The following GRID2 variants were observed in gnomAD, a reference collection of about 807,000 sequenced individuals.
GRID2 encodes the protein glutamate receptor ionotropic, delta-2.
In GRID2, 33 loss-of-function variants were observed where a neutral mutation model predicts 114.8. The ratio of observed to expected loss-of-function variants is 0.29; its 90% confidence interval spans 0.22 to 0.38. The LOEUF (loss-of-function observed/expected upper bound fraction) is 0.38, where lower values mean the gene tolerates loss of function less well. Ranked by LOEUF, GRID2 falls within the 10% of genes least tolerant of loss-of-function variation. The probability of loss-of-function intolerance (pLI) is 1.00; values close to 1 mark genes in which losing one functional copy is unlikely to be tolerated. For synonymous variants in GRID2, 505 were observed against 449.9 expected, an observed-to-expected ratio of 1.12 and a Z score of -1.55; for missense variants, 1,184 against 1,257.7, an observed-to-expected ratio of 0.94 and a Z score of 0.89.
chr4:93,180,022 A>G (rs1181373199), intron 4 of GRID2, among the ~76,000 whole-genome samples: 2 of 152,134 alleles, frequency 1.3e-5, no homozygotes, highest in Non-Finnish European at 2.9e-5. Context: ...TTCCATTAAA[A>G]TCTTTTTAAA....
At chr4:92,934,229 T>A (rs2149524815) in intron 2 of GRID2, among the ~76,000 whole-genome samples, 1 of 151,970 alleles carries the variant, frequency 6.6e-6, no homozygotes, top group Non-Finnish European at 1.5e-5. Flanking sequence ...TTTCTAGTTC[T>A]CCTTGAAGAG....
At chr4:92,360,799 A>G (rs928034878) in intron 1 of GRID2, among the ~76,000 whole-genome samples, 1 of 151,966 alleles carries the variant, frequency 6.6e-6, no homozygotes, top group Non-Finnish European at 1.5e-5. Flanking sequence ...CTCTTAAAAA[A>G]TCACATTGGC....
At chr4:92,535,521 G>C (rs576714499) in intron 1 of GRID2, among the ~76,000 whole-genome samples, 1 of 152,162 alleles carries the variant, frequency 6.6e-6, no homozygotes, top group Admixed American at 6.5e-5. Flanking sequence ...AATGTACTAA[G>C]GTAGCACTCA....
At chr4:93,289,396 A>G (rs1753504388) in intron 8 of GRID2, among the ~76,000 whole-genome samples, 1 of 152,156 alleles carries the variant, frequency 6.6e-6, no homozygotes, top group Admixed American at 6.5e-5. Flanking sequence ...AAAGCTGTTT[A>G]TTGGAATGCA....
chr4:93,283,950 T>A (rs963123713), intron 8 of GRID2, among the ~76,000 whole-genome samples: 2 of 152,070 alleles, frequency 1.3e-5, no homozygotes, highest in African/African-American at 4.8e-5. Context: ...CATAGAAGTA[T>A]ATTAATGGTT....
intron 3 of GRID2, among the ~76,000 whole-genome samples, chr4:93,098,088 A>G (rs1465908481): frequency 6.6e-6 from 1 of 151,958 alleles, no homozygotes; most frequent in African/African-American, 2.4e-5. Flanking sequence ...ATATTTACTG[A>G]TTACAAAATA....
At chr4:92,688,277 C>T (rs12649805) in intron 2 of GRID2, among the ~76,000 whole-genome samples, 24,700 of 151,104 alleles carry the variant, frequency 0.16, 2,195 homozygotes, top group East Asian at 0.34. Flanking sequence ...CTCGAACTCC[C>T]GACCTCAGGT....
chr4:93,229,036 C>T (rs1284373019), intron 7 of GRID2, among the ~76,000 whole-genome samples: 3 of 152,104 alleles, frequency 2.0e-5, no homozygotes, highest in Non-Finnish European at 4.4e-5. Flanking sequence ...CCCAGTGTCA[C>T]ATTTTAAAGA....
intron 1 of GRID2, among the ~76,000 whole-genome samples, chr4:92,328,475 C>G (rs762034093): frequency 3.9e-5 from 6 of 152,064 alleles, no homozygotes; most frequent in Non-Finnish European, 8.8e-5. Context: ...TGTGGTTATA[C>G]TCCTACCATA....
intron 1 of GRID2, among the ~76,000 whole-genome samples, chr4:92,332,866 T>C (rs1482186422): frequency 6.6e-6 from 1 of 152,208 alleles, no homozygotes; most frequent in Non-Finnish European, 1.5e-5. Context: ...CTGGGAAAAC[T>C]GGGGTGGGGT....
Position 92,304,743 on chromosome 4 carries a change from C to A in GRID2, c.87C>A (p.Ile29=), listed in dbSNP as rs77619135. The A allele has an allele frequency of 6.2e-7, 1 of 1,604,544 alleles. No homozygotes were observed. Among genetic ancestry groups the A allele is most frequent in the African/African-American group, 1.3e-5 (1 of 74,830 alleles). ...CGAATGCGGATTCGATCATTCACATCGGTAAGAAAGTGTTGGTGCAGCTCG... is the reference window on the plus strand; with the variant it reads ...CGAATGCGGATTCGATCATTCACATAGGTAAGAAAGTGTTGGTGCAGCTCG... The part of the protein sequence containing the change: ...DSANADSIIH[I]GAIFDESAKK... The change falls in exon 1 of 16, where the codon ATC becomes ATA. Residue 29 remains isoleucine, a splice_region_variant and synonymous_variant. Transcript: ENST00000282020.
chr4:92,775,052 A>G (rs1000082856), intron 2 of GRID2, among the ~76,000 whole-genome samples: 1 of 152,162 alleles, frequency 6.6e-6, no homozygotes, highest in African/African-American at 2.4e-5. Context: ...CTGTAAGACT[A>G]TAAAGGATTC....
chr4:92,829,913 C>A (rs1296185951), intron 2 of GRID2, among the ~76,000 whole-genome samples: 2 of 151,858 alleles, frequency 1.3e-5, no homozygotes, highest in Non-Finnish European at 2.9e-5. Context: ...AGGGGAACAT[C>A]ACACACGAGG....
chr4:93,123,859 C>T (rs1219159520), intron 4 of GRID2, among the ~76,000 whole-genome samples: 1 of 149,388 alleles, frequency 6.7e-6, no homozygotes, highest in Non-Finnish European at 1.5e-5. Flanking sequence ...TAAATGAATC[C>T]AAAAATAATT....
intron 2 of GRID2, among the ~76,000 whole-genome samples, chr4:92,940,267 G>C (rs1751004082): frequency 6.8e-6 from 1 of 146,824 alleles, no homozygotes; most frequent in Non-Finnish European, 1.5e-5. Flanking sequence ...AGTTTTTCTT[G>C]AAGAGGTCCT....
intron 1 of GRID2, among the ~76,000 whole-genome samples, chr4:92,473,800 A>C (rs1163301632): frequency 6.6e-6 from 1 of 151,902 alleles, no homozygotes; most frequent in East Asian, 1.9e-4. Flanking sequence ...TCTTTTTTTG[A>C]TGATGAAATT....
chr4:93,218,140 G>A (rs1377442589), intron 6 of GRID2, among the ~76,000 whole-genome samples: 1 of 151,904 alleles, frequency 6.6e-6, no homozygotes, highest in Non-Finnish European at 1.5e-5. Flanking sequence ...TGTAGTACGT[G>A]GACTGGCTCC....
At chr4:92,965,674 A>G (rs1195974991) in intron 2 of GRID2, among the ~76,000 whole-genome samples, 4 of 151,780 alleles carry the variant, frequency 2.6e-5, no homozygotes. Context: ...CAATGGAGTG[A>G]TGATTTCCAA....
intron 2 of GRID2, among the ~76,000 whole-genome samples, chr4:92,941,917 C>T (rs1012393396): frequency 2.0e-5 from 3 of 152,156 alleles, no homozygotes; most frequent in African/African-American, 7.2e-5. Flanking sequence ...AGTTTGATTG[C>T]ACTGTGGTCT....
Sources: allele counts gnomAD v4.1 joint callset (sites outside exome capture counted in the v4.1 genomes callset), GRCh38; gene constraint gnomAD v4.1.1; transcripts MANE v1.5; gene names NCBI Gene and HGNC (gene_info 2026-07-23, HGNC 2026-07-21).